The following SPTBN1 variants were observed in gnomAD, a reference collection of about 807,000 sequenced individuals.
The protein encoded by SPTBN1 is spectrin beta, non-erythrocytic 1, also known as spectrin beta chain, non-erythrocytic 1.
A neutral mutation model predicts 266.4 loss-of-function variants in SPTBN1; 32 were observed. The observed-to-expected ratio is 0.12, with a 90% CI of 0.09 to 0.16. SPTBN1 has a LOEUF of 0.16. Among genes scored for constraint, SPTBN1 ranks in the 10% least tolerant of loss-of-function variants. The pLI is 1.00. For missense variants in SPTBN1, 2,296 were observed against 3,067.1 expected (o/e 0.75, Z 5.94); for synonymous variants, 1,336 against 1,162.2 (o/e 1.15, Z -3.04).
intron 1 of SPTBN1, among the ~76,000 whole-genome samples, chr2:54,511,955 G>C (rs867911240): frequency 1.3e-5 from 2 of 152,234 alleles, no homozygotes; most frequent in African/African-American, 4.8e-5. Context: ...CCAATTAGAT[G>C]GTCCATCGGC....
chr2:54,525,375 A>G (rs7559157), intron 1 of SPTBN1, among the ~76,000 whole-genome samples: 13,842 of 152,150 alleles, frequency 0.091, 2,019 homozygotes, highest in African/African-American at 0.3. Context: ...CCTCCCAAGT[A>G]GCTGGGATTA....
At chr2:54,492,352 T>TG in intron 1 of SPTBN1, among the ~76,000 whole-genome samples, 1 of 150,524 alleles carries the variant, frequency 6.6e-6, no homozygotes. Flanking sequence ...TTTTTTTGTT[T>TG]TTTTTTTTTT....
intron 2 of SPTBN1, among the ~76,000 whole-genome samples, chr2:54,547,446 C>T (rs1396576845): frequency 6.6e-6 from 1 of 152,128 alleles, no homozygotes. Context: ...TCTTTGAGAT[C>T]CTGCTTTCAG....
intron 2 of SPTBN1, among the ~76,000 whole-genome samples, chr2:54,543,647 C>T (rs1324465818): frequency 6.6e-6 from 1 of 152,118 alleles, no homozygotes; most frequent in Non-Finnish European, 1.5e-5. Context: ...TCTTCTCTCA[C>T]TGTACTTTCC....
At chr2:54,526,710 C>T in intron 2 of SPTBN1, 144 bp downstream of exon 2, 1 of 1,013,218 alleles carries the variant, frequency 9.9e-7, no homozygotes, top group Non-Finnish European at 1.3e-6. Context: ...GCCAGCTGAC[C>T]ATTTTATAAG....
At chr2:54,619,943 A>G (rs1250638173) in intron 7 of SPTBN1, among the ~76,000 whole-genome samples, 1 of 152,178 alleles carries the variant, frequency 6.6e-6, no homozygotes, top group Admixed American at 6.5e-5. Flanking sequence ...GGCGATAGGA[A>G]TGGGGGTGTA....
chr2:54,528,352 G>T (rs916353184), intron 2 of SPTBN1: 2 of 152,554 alleles, frequency 1.3e-5, no homozygotes, highest in Non-Finnish European at 2.9e-5. Flanking sequence ...TTTGCATGTG[G>T]TCTTTCCTAC....
intron 1 of SPTBN1, among the ~76,000 whole-genome samples, chr2:54,504,939 G>C (rs6545416): frequency 0.14 from 21,546 of 152,074 alleles, 3,082 homozygotes; most frequent in African/African-American, 0.37. Flanking sequence ...TTTCAGTGGG[G>C]TTGTGAAATC....
At chr2:54,571,951 G>T (rs895312115) in intron 2 of SPTBN1, among the ~76,000 whole-genome samples, 1 of 152,150 alleles carries the variant, frequency 6.6e-6, no homozygotes, top group African/African-American at 2.4e-5. Context: ...TCCAGGAAGG[G>T]CTTAGGCTGG....
At chr2:54,507,922 T>G (rs923635040) in intron 1 of SPTBN1, among the ~76,000 whole-genome samples, 3 of 152,030 alleles carry the variant, frequency 2.0e-5, no homozygotes, top group East Asian at 3.9e-4. Flanking sequence ...TAACTGAGAT[T>G]GATAGTGTGA....
rs957002902 is a variant in SPTBN1, at chr2:54,646,982, C to G, written c.4867-149C>G. On this transcript the variant is annotated intron_variant, in intron 23 of 35. Coordinates refer to ENST00000356805, the MANE Select transcript of SPTBN1 (RefSeq NM_003128.3). The surrounding 1 kb of genome is among the most constrained non-coding windows in gnomAD (Gnocchi z 4.4). ...AGTCCATATGGAAGCTCTTGGAACA[C>G]TTCTGTGTTCCACTGTCCGTACTGC... 8.7e-6 allele frequency: 10 copies of G among 1,147,076 alleles called. 1 individual carries two copies. Among genetic ancestry groups the G allele is most frequent in the East Asian group, 5.0e-5 (2 of 40,388 alleles). The allele number at this position is 1,147,076 out of a possible 1,614,324, so 71.1% of individuals were successfully genotyped here. A position where few individuals can be genotyped will look rare whatever the true frequency, so the allele number is the denominator to read the frequency against.
intron 1 of SPTBN1, among the ~76,000 whole-genome samples, chr2:54,517,738 C>T (rs1457377256): frequency 1.3e-5 from 2 of 151,934 alleles, no homozygotes; most frequent in South Asian, 2.1e-4. Context: ...CTCCATCACC[C>T]GGGTTCAAGC....
chr2:54,573,560 G>A (rs529427397), intron 2 of SPTBN1, among the ~76,000 whole-genome samples: 4 of 152,164 alleles, frequency 2.6e-5, no homozygotes, highest in Non-Finnish European at 4.4e-5. Context: ...CCCCTGACTC[G>A]GTGATTCAGC....
intron 2 of SPTBN1, among the ~76,000 whole-genome samples, chr2:54,590,880 T>C (rs1675632175): frequency 6.6e-6 from 1 of 152,200 alleles, no homozygotes; most frequent in Non-Finnish European, 1.5e-5. Flanking sequence ...TTGAAGGTTT[T>C]GGTGCAGTGC....
At chr2:54,483,011 C>T (rs1668177009) in intron 1 of SPTBN1, among the ~76,000 whole-genome samples, 1 of 152,180 alleles carries the variant, frequency 6.6e-6, no homozygotes, top group Non-Finnish European at 1.5e-5. Context: ...GTGGTGAGGA[C>T]TGGGGGCAGG....
intron 2 of SPTBN1, among the ~76,000 whole-genome samples, chr2:54,570,154 T>C (rs1673960035): frequency 6.6e-6 from 1 of 152,198 alleles, no homozygotes; most frequent in Admixed American, 6.5e-5. Flanking sequence ...AGAGCGCTCC[T>C]GTAGCCAGAC....
At chr2:54,642,535 T>TTTTG (rs1553349818) in intron 18 of SPTBN1, among the ~76,000 whole-genome samples, 3 of 150,992 alleles carry the variant, frequency 2.0e-5, no homozygotes, top group South Asian at 2.1e-4. Flanking sequence ...AGTAGTTTTT[T>TTTTG]TTTTTTTTTT....
At chr2:54,581,404 C>T (rs1454594191) in intron 2 of SPTBN1, among the ~76,000 whole-genome samples, 2 of 152,146 alleles carry the variant, frequency 1.3e-5, no homozygotes, top group East Asian at 1.9e-4. Flanking sequence ...GTCCCACTTA[C>T]CCAGGACATG....
intron 2 of SPTBN1, among the ~76,000 whole-genome samples, chr2:54,544,584 T>C (rs577708938): frequency 8.8e-4 from 134 of 152,228 alleles, no homozygotes; most frequent in Admixed American, 1.8e-3. Flanking sequence ...GAGATACACA[T>C]GACTAATTTA....
Sources: gnomAD v4.1 joint callset for allele counts (sites outside exome capture counted in the v4.1 genomes callset) on GRCh38, gnomAD v4.1.1 for gene constraint, Gnocchi (gnomAD v3.1) non-coding constraint, MANE v1.5 for transcripts, NCBI Gene and HGNC (gene_info 2026-07-23, HGNC 2026-07-21) for gene names.